ABTB3: variants seen among roughly 807,000 people sequenced by gnomAD.
The protein encoded by ABTB3 is ankyrin repeat and BTB domain containing 3, also known as ankyrin repeat- and BTB/POZ domain-containing protein 3.
the ABTB3 span, among the ~76,000 whole-genome samples, chr12:107,608,092 A>C: frequency 2.6e-5 from 4 of 152,184 alleles, no homozygotes; most frequent in African/African-American, 9.6e-5. Flanking sequence ...GGCCTGGGAC[A>C]GCTCTGACTC....
At chr12:107,609,457 T>C in the ABTB3 span, among the ~76,000 whole-genome samples, 1 of 152,208 alleles carries the variant, frequency 6.6e-6, no homozygotes, top group Non-Finnish European at 1.5e-5. Context: ...GATGACAAAT[T>C]CCCATGCACC....
the ABTB3 span, among the ~76,000 whole-genome samples, chr12:107,546,787 C>A: frequency 6.6e-6 from 1 of 152,162 alleles, no homozygotes; most frequent in South Asian, 2.1e-4. Context: ...ATCGCTTGAA[C>A]CCAGGAGGCG....
chr12:107,340,168 G>A, the ABTB3 span, among the ~76,000 whole-genome samples: 1 of 151,932 alleles, frequency 6.6e-6, no homozygotes, highest in Non-Finnish European at 1.5e-5. Context: ...TATTAATCAT[G>A]GCTTTGCAGT....
At chr12:107,518,433 A>G in the ABTB3 span, among the ~76,000 whole-genome samples, 1 of 152,164 alleles carries the variant, frequency 6.6e-6, no homozygotes. Flanking sequence ...ATAAAAAATG[A>G]TGAGTTCATG....
At chr12:107,355,152 A>G in the ABTB3 span, among the ~76,000 whole-genome samples, 1 of 152,210 alleles carries the variant, frequency 6.6e-6, no homozygotes, top group African/African-American at 2.4e-5. Context: ...GATCTTTCGC[A>G]TGTCTCCCCA....
the ABTB3 span, among the ~76,000 whole-genome samples, chr12:107,482,920 CT>C: frequency 3.9e-4 from 14 of 35,642 alleles, 1 homozygote; most frequent in African/African-American, 2.4e-3. Context: ...CTTCTTCTTT[CT>C]TTCTTTCTTT....
the ABTB3 span, among the ~76,000 whole-genome samples, chr12:107,350,588 G>A: frequency 6.6e-6 from 1 of 151,798 alleles, no homozygotes; most frequent in Non-Finnish European, 1.5e-5. Flanking sequence ...CAGAGACCTA[G>A]GGGTAAATTT....
the ABTB3 span, among the ~76,000 whole-genome samples, chr12:107,474,943 C>T: frequency 6.6e-6 from 1 of 152,130 alleles, no homozygotes; most frequent in African/African-American, 2.4e-5. Flanking sequence ...TCCCATCAGC[C>T]CACCCTAGGT....
At chr12:107,506,061 C>T in the ABTB3 span, among the ~76,000 whole-genome samples, 24 of 152,170 alleles carry the variant, frequency 1.6e-4, no homozygotes, top group African/African-American at 5.8e-4. Context: ...AATGGGATTG[C>T]TGAGTTGAAT....
At chr12:107,626,781 G>T in the ABTB3 span, among the ~76,000 whole-genome samples, 6 of 152,116 alleles carry the variant, frequency 3.9e-5, no homozygotes, top group Non-Finnish European at 8.8e-5. Flanking sequence ...AAGCCTCTAA[G>T]GAGTGGTCTA....
the ABTB3 span, among the ~76,000 whole-genome samples, chr12:107,328,176 C>T: frequency 1.1e-4 from 17 of 152,214 alleles, no homozygotes; most frequent in African/African-American, 4.1e-4. Context: ...CCTTACAAAG[C>T]AGGCGCTATT....
chr12:107,321,414 C>G, the ABTB3 span, among the ~76,000 whole-genome samples: 1 of 152,128 alleles, frequency 6.6e-6, no homozygotes, highest in Non-Finnish European at 1.5e-5. Context: ...CTGCCGCCCT[C>G]GGTCCCTTCA....
the ABTB3 span, among the ~76,000 whole-genome samples, chr12:107,540,033 TG>T: frequency 5.3e-5 from 8 of 152,208 alleles, no homozygotes; most frequent in Admixed American, 4.6e-4. Context: ...GGCTCAGGGC[TG>T]GGTATGTGAA....
At chr12:107,482,375 A>G in the ABTB3 span, among the ~76,000 whole-genome samples, 1 of 152,122 alleles carries the variant, frequency 6.6e-6, no homozygotes, top group Non-Finnish European at 1.5e-5. Context: ...GAGACCTGGG[A>G]GCCAGCCACC....
At chr12:107,604,960 G>A in the ABTB3 span, among the ~76,000 whole-genome samples, 1 of 152,226 alleles carries the variant, frequency 6.6e-6, no homozygotes, top group African/African-American at 2.4e-5. Context: ...CCTGTCATTT[G>A]TGACAAAGTC....
the ABTB3 span, among the ~76,000 whole-genome samples, chr12:107,435,496 A>T: frequency 1.1e-3 from 170 of 152,280 alleles, 2 homozygotes; most frequent in Non-Finnish European, 2.0e-3. Context: ...CTGCTCTGGG[A>T]TGAAGGTACT....
chr12:107,540,132 G>T, the ABTB3 span, among the ~76,000 whole-genome samples: 3 of 152,152 alleles, frequency 2.0e-5, no homozygotes, highest in African/African-American at 4.8e-5. Context: ...GATTTATAAA[G>T]AACAGAAATG....
chr12:107,337,580 G>C, the ABTB3 span, among the ~76,000 whole-genome samples: 1 of 152,218 alleles, frequency 6.6e-6, no homozygotes, highest in Non-Finnish European at 1.5e-5. Context: ...GCACAATTGA[G>C]GAGCTGACTC....
At chr12:107,376,396 G>T in the ABTB3 span, among the ~76,000 whole-genome samples, 63 of 152,240 alleles carry the variant, frequency 4.1e-4, no homozygotes, top group African/African-American at 1.5e-3. Flanking sequence ...TTGCATTTAT[G>T]CTGCAAACTC....
Sources: gnomAD v4.1 joint callset for allele counts (sites outside exome capture counted in the v4.1 genomes callset) on GRCh38, gnomAD v4.1.1 for gene constraint, MANE v1.5 for transcripts, NCBI Gene and HGNC (gene_info 2026-07-23, HGNC 2026-07-21) for gene names.